The following SCEL variants were observed in gnomAD, a reference collection of about 807,000 sequenced individuals.
SCEL encodes the protein sciellin.
In SCEL, 113 loss-of-function variants were observed where a neutral mutation model predicts 117.6. The observed-to-expected ratio is 0.96, with a 90% CI of 0.83 to 1.12. The LOEUF is 1.12. SCEL is among the 50% of genes most tolerant of loss of function. The pLI is 0.00. For synonymous variants in SCEL, 270 were observed against 256.2 expected (o/e 1.05, Z -0.51); for missense variants, 785 against 810.8 (o/e 0.97, Z 0.39).
At chr13:77,597,481 A>G in intron 12 of SCEL, 64 bp from the exon 13 acceptor site, 1 of 928,896 alleles carries the variant, frequency 1.1e-6, no homozygotes, top group Non-Finnish European at 1.7e-6. Flanking sequence ...TTTTAAGGCA[A>G]ATTTACCCTT....
At chr13:77,609,962 T>C (rs1180336373) in intron 21 of SCEL, 85 bp from the exon 22 acceptor site, 4 of 720,462 alleles carry the variant, frequency 5.6e-6, no homozygotes, top group Non-Finnish European at 8.3e-6. Context: ...AAATATTTTA[T>C]AATAAAAGTA....
At chr13:77,625,803 C>G (rs1183961442) in intron 27 of SCEL, among the ~76,000 whole-genome samples, 1 of 152,110 alleles carries the variant, frequency 6.6e-6, no homozygotes, top group Non-Finnish European at 1.5e-5. Context: ...TATACTGATT[C>G]CATGTATAAT....
At chr13:77,574,902 C>T (rs192068472) in intron 9 of SCEL, among the ~76,000 whole-genome samples, 30 of 152,266 alleles carry the variant, frequency 2.0e-4, no homozygotes, top group African/African-American at 6.3e-4. Context: ...AGAATTTTCT[C>T]GTAAGACTGA....
In SCEL at chr13:77,611,452, T is replaced by C. The variant is rs2088636078; in HGVS notation, c.1337+1346T>C. 2.0e-5 allele frequency among the ~76,000 whole-genome samples: 3 copies of C among 152,320 alleles called. No homozygotes were observed. In the South Asian group the frequency reaches 6.2e-4, roughly 32 times the overall value. ...TATATTAATACAACTTTATTTTTAC[T>C]GTTGAGGGTCAGACACTAAATCCAG... On this transcript the variant is annotated intron_variant, in intron 22 of 32. Transcript: ENST00000349847.
Position 77,612,881 on chromosome 13 carries a change from ATT to A in SCEL, c.1338-4_1338-3del, listed in dbSNP as rs760047047. 6.6e-7 allele frequency: 1 copy of A among 1,522,478 alleles called. No individual in the cohort carries two copies. Among genetic ancestry groups the A allele is most frequent in the South Asian group, 1.3e-5 (1 of 79,880 alleles). 94.3% of individuals were successfully genotyped at this position (1,522,478 alleles called of 1,614,324 possible). ...GTTGACTTAGCTATTGAAACTTAAC[ATT>A]TTTTTAGGAACCAAGACTTGGAAAA... On this transcript the variant is annotated splice_region_variant and splice_polypyrimidine_tract_variant and intron_variant, in intron 22 of 32. Transcript: ENST00000349847.
At chr13:77,592,969 G>T (rs999077520) in intron 11 of SCEL, among the ~76,000 whole-genome samples, 11 of 152,086 alleles carry the variant, frequency 7.2e-5, no homozygotes. Flanking sequence ...ATGTGCTCAG[G>T]TGCTTCCACC....
rs140838643 is a variant in SCEL, at chr13:77,610,060, G to A, written c.1291G>A (p.Asp431Asn). The change falls in exon 22 of 33, where the codon GAC becomes AAC. Residue 431 changes from aspartate to asparagine, a missense_variant. Asp to Asn is a conservative substitution (Grantham distance 23). Transcript: ENST00000349847. ...EKSTEGGQSL[D>N]SLIKVTPERN... ...TATGTTTTTAAGGGGCCAAAGTCTC[G>A]ACAGCCTCATTAAAGTGACTCCTGA... The A allele has an allele frequency of 8.3e-5, 133 of 1,609,098 alleles. No homozygotes were observed. The highest frequency in any genetic ancestry group is 3.2e-4 in the African/African-American group (24 of 74,654).
chr13:77,542,341 C>T (rs2083751841), intron 1 of SCEL, among the ~76,000 whole-genome samples: 1 of 152,150 alleles, frequency 6.6e-6, no homozygotes, highest in African/African-American at 2.4e-5. Flanking sequence ...GTGGAGGTTG[C>T]AGTGGCCGAG....
chr13:77,564,375 T>C (rs1419866089), intron 5 of SCEL, among the ~76,000 whole-genome samples: 3 of 152,104 alleles, frequency 2.0e-5, no homozygotes, highest in African/African-American at 7.2e-5. Context: ...CTTTAGAAGG[T>C]GAAAATACTC....
chr13:77,570,309 C>A (rs1237403632), intron 8 of SCEL, among the ~76,000 whole-genome samples: 2 of 152,146 alleles, frequency 1.3e-5, no homozygotes, highest in Non-Finnish European at 2.9e-5. Context: ...TCCATTGAAC[C>A]CAAATTTCAT....
intron 3 of SCEL, 120 bp downstream of exon 3, chr13:77,556,833 T>C (rs2084687278): frequency 1.4e-6 from 1 of 734,042 alleles, no homozygotes; most frequent in Non-Finnish European, 2.4e-6. Context: ...TGTTGCATGG[T>C]CTAATTTTTG....
intron 3 of SCEL, among the ~76,000 whole-genome samples, chr13:77,557,244 T>G (rs1227479483): frequency 6.6e-6 from 1 of 152,168 alleles, no homozygotes; most frequent in Non-Finnish European, 1.5e-5. Context: ...ACCAACAAAA[T>G]TTTGTTTGTT....
chr13:77,637,409 AATAAAT>A (rs1269761108), intron 30 of SCEL, among the ~76,000 whole-genome samples: 5 of 59,582 alleles, frequency 8.4e-5, no homozygotes, highest in Admixed American at 2.8e-4. Flanking sequence ...TACATATATA[AATAAAT>A]ATATATATAT....
Position 77,599,396 on chromosome 13 carries a change from C to T in SCEL, c.857+8C>T. 6.2e-7 allele frequency: 1 copy of T among 1,606,708 alleles called. No homozygotes were observed. The highest frequency in any genetic ancestry group is 8.5e-7 in the Non-Finnish European group (1 of 1,174,112). On this transcript the variant is annotated splice_region_variant and intron_variant, in intron 14 of 32. Coordinates refer to ENST00000349847, the MANE Select transcript of SCEL (RefSeq NM_144777.3). The stretch of plus-strand genomic sequence containing the variant: ...AGAAGAAAGAGAGAAAAGGTAAGTG[C>T]ATCTGTCTCAAATATGAAAATCTTA...
intron 9 of SCEL, among the ~76,000 whole-genome samples, chr13:77,581,717 A>G (rs1460075117): frequency 6.6e-6 from 1 of 152,198 alleles, no homozygotes; most frequent in East Asian, 1.9e-4. Context: ...TTATTTCACC[A>G]TTTCTCCTAG....
rs2085128557 is a variant in SCEL at position 77,563,831 on chromosome 13, GA to G, written c.225del (p.Val76Ter). 2.5e-6 allele frequency: 4 copies of G among 1,582,398 alleles called. 1 individual carries two copies. The Admixed American group carries it at 5.8e-5, about 23-fold the overall frequency. On this transcript the variant is annotated frameshift_variant and splice_region_variant, in exon 5 of 33. Transcript: ENST00000349847. LOFTEE classifies it high-confidence loss of function. The part of the protein sequence containing the change: ...RHNSHDALDR[K>X]VNERDVPKAT... ...TTTTTGGTAATTATGTTTGCTACAG[GA>G]AAGTAAATGAGAGAGATGTGCCAAA...
In SCEL at chr13:77,555,919, G is replaced by A. The variant is rs755739105; in HGVS notation, c.43+1G>A. On this transcript the variant is annotated splice_donor_variant, in intron 2 of 32. Coordinates refer to ENST00000349847, the MANE Select transcript of SCEL (RefSeq NM_144777.3). LOFTEE classifies it high-confidence loss of function. ...AGAAAAATGTCTCCCACAGGAAATG[G>A]TAATGTACATGATGTTTCTCTCACT... 8.7e-6 allele frequency: 14 copies of A among 1,612,636 alleles called. No individual in the cohort carries two copies. The highest frequency in any genetic ancestry group is 1.2e-5 in the Non-Finnish European group (14 of 1,178,934).
Position 77,612,931 on chromosome 13 carries a change from G to T in SCEL, c.1378G>T (p.Ala460Ser). 6.4e-7 allele frequency: 1 copy of T among 1,560,644 alleles called. No individual in the cohort carries two copies. The highest frequency in any genetic ancestry group is 1.2e-5 in the South Asian group (1 of 81,768). The change falls in exon 23 of 33, where the codon GCA becomes TCA. Residue 460 changes from alanine to serine, a missense_variant. Transcript: ENST00000349847. The part of the protein sequence containing the change: ...LENLIKVIPS[A>S]NKSSEQGLDE... ...AAATCTTATCAAAGTGATCCCTTCA[G>T]CAAACAAAAGGTAAACTTATTAAGA...
In SCEL at chr13:77,604,302, T is replaced by G. The variant is rs1464228542; in HGVS notation, c.1098-54T>G. ...TTAATTTTTCCAGCCATTATTCATC[T>G]GATTAGTGCTATACTTTAACATCAT... On this transcript the variant is annotated intron_variant, in intron 18 of 32. Coordinates refer to ENST00000349847, the MANE Select transcript of SCEL (RefSeq NM_144777.3). 2.7e-6 allele frequency: 3 copies of G among 1,106,194 alleles called. No homozygotes were observed. The East Asian group carries it at 8.1e-5, about 30-fold the overall frequency. 68.5% of individuals were successfully genotyped at this position (1,106,194 alleles called of 1,614,324 possible). A position where few individuals can be genotyped will look rare whatever the true frequency, so the allele number is the denominator to read the frequency against.
Sources: allele counts gnomAD v4.1 joint callset (sites outside exome capture counted in the v4.1 genomes callset), GRCh38; gene constraint gnomAD v4.1.1; transcripts MANE v1.5; gene names NCBI Gene and HGNC (gene_info 2026-07-23, HGNC 2026-07-21).